SPG11: variants seen among roughly 807,000 people sequenced by gnomAD.
SPG11 encodes spatacsin.
A neutral mutation model predicts 274.0 loss-of-function variants in SPG11; 222 were observed. That is an observed-to-expected ratio of 0.81 (90% CI 0.73 to 0.91). The LOEUF is 0.91. Among genes scored for constraint, SPG11 ranks in the 40% least tolerant of loss-of-function variants. The pLI is 0.00. For synonymous variants in SPG11, 1,144 were observed against 1,039.7 expected, an observed-to-expected ratio of 1.10 and a Z score of -1.93; for missense variants, 3,114 against 2,872.7, an observed-to-expected ratio of 1.08 and a Z score of -1.92.
At chr15:44,570,701 C>T (rs747819733) in intron 33 of SPG11, 43 bp from the exon 34 acceptor site, 5 of 1,603,670 alleles carry the variant, frequency 3.1e-6, no homozygotes, top group Non-Finnish European at 4.3e-6. Context: ...TGAACCCTGG[C>T]TGCCCACTGT....
intron 7 of SPG11, among the ~76,000 whole-genome samples, chr15:44,641,232 T>C (rs1226548390): frequency 6.6e-6 from 1 of 152,018 alleles, no homozygotes; most frequent in Non-Finnish European, 1.5e-5. Context: ...GAGGCAGAGA[T>C]TGCTGTGAGC....
rs2141115991 is a variant in SPG11 at position 44,655,016 on chromosome 15, C to A, written c.869+2079G>T. Among the ~76,000 whole-genome samples the A allele has an allele frequency of 3.3e-5, 5 of 152,342 alleles. 1 individual carries two copies. The Middle Eastern group carries it at 0.01, about 311-fold the overall frequency. On this transcript the variant is annotated intron_variant, in intron 4 of 39. Transcript: ENST00000261866. ...TACTGCTGTAATAATATCATGGCCACTTCCTGTTGCCATTGCAGTGAGCCC... is the reference window on the plus strand; with the variant it reads ...TACTGCTGTAATAATATCATGGCCAATTCCTGTTGCCATTGCAGTGAGCCC...
In SPG11 at chr15:44,564,644, A is replaced by G. The variant is rs149711747; in HGVS notation, c.7054T>C (p.Tyr2352His). The part of the protein sequence containing the change: ...DFVPDWAEIL[Y>H]QQVILKGDFN... ...TCTCCTTTAAGAATCACTTGCTGGT[A>G]TAAAATTTCAGCCCAATCTGGAACA... Residue 2352 changes from tyrosine (Y) to histidine (H), a missense_variant, in exon 39 of 40, where the codon TAC (tyrosine) becomes CAC (histidine). Coordinates refer to ENST00000261866, the MANE Select transcript of SPG11 (RefSeq NM_025137.4). 19 of 1,614,084 alleles carry G rather than the reference A, an allele frequency of 1.2e-5. No homozygotes were observed. The highest frequency in any genetic ancestry group is 1.5e-5 in the Non-Finnish European group (18 of 1,180,016).
chr15:44,584,300 G>C lies in SPG11; in HGVS notation c.5380C>G (p.Leu1794Val), dbSNP rs1280213947. Residue 1794 changes from leucine (L) to valine (V), a missense_variant, in exon 30 of 40, where the codon CTG (leucine) becomes GTG (valine). Transcript: ENST00000261866. ...AQEDVVPLDK[L>V]EELEKQIWLC... ...CAGATCTGCTTCTCCAGCTCCTCCA[G>C]CTTATCCAAGGGCACCACGTCCTCC... 1.2e-6 allele frequency: 2 copies of C among 1,612,678 alleles called. No individual in the cohort carries two copies. The highest frequency in any genetic ancestry group is 1.7e-4 in the Middle Eastern group (1 of 6,052).
intron 30 of SPG11, among the ~76,000 whole-genome samples, chr15:44,576,746 A>C (rs1220751093): frequency 6.6e-6 from 1 of 152,132 alleles, no homozygotes; most frequent in East Asian, 1.9e-4. Context: ...AAAAATAAAT[A>C]TTGTGTTGCT....
chr15:44,663,195 C>A (rs2085169107), intron 1 of SPG11, among the ~76,000 whole-genome samples, 196 bp downstream of exon 1: 1 of 152,236 alleles, frequency 6.6e-6, no homozygotes, highest in Non-Finnish European at 1.5e-5. Context: ...CAGAATGCAA[C>A]GAGGCGAGCG....
In SPG11 at chr15:44,584,365, C is replaced by T. The variant is rs150823040; in HGVS notation, c.5315G>A (p.Arg1772His). ...HPTGWSSMEE[R>H]HLLLTLAGHW... Reference sequence around the variant, plus strand: ...CCCTGCCAAGGTGAGCAGCAGATGGCGCTCCTCCATGCTGCTCCATCCAGT... The same window carrying T: ...CCCTGCCAAGGTGAGCAGCAGATGGTGCTCCTCCATGCTGCTCCATCCAGT... Residue 1772 changes from arginine to histidine, a missense_variant, in exon 30 of 40, where the codon CGC becomes CAC. Physicochemically the swap from Arg to His is conservative, Grantham distance 29. Transcript: ENST00000261866. 446 of 1,611,320 alleles carry T rather than the reference C, an allele frequency of 2.8e-4. 1 individual carries two copies. The highest frequency in any genetic ancestry group is 7.1e-4 in the South Asian group (65 of 90,934).
At chr15:44,583,741 G>A (rs572715608) in intron 30 of SPG11, 73 bp downstream of exon 30, 2 of 1,601,058 alleles carry the variant, frequency 1.2e-6, no homozygotes, top group East Asian at 4.5e-5. Flanking sequence ...CTGCCACAAG[G>A]GTCCCTTCCT....
chr15:44,600,476 G>C lies in SPG11; in HGVS notation c.3677C>G (p.Pro1226Arg), dbSNP rs1478064859. ...LVQELIKSKT[P>R]KQLIQQVGNE... Reference sequence around the variant, plus strand: ...TATTTTAAATACTCACAGCTGCTTGGGAGTCTTGCTCTTGATTAATTCCTG... The same window carrying C: ...TATTTTAAATACTCACAGCTGCTTGCGAGTCTTGCTCTTGATTAATTCCTG... Residue 1226 changes from proline to arginine, a missense_variant, in exon 21 of 40, where the codon CCC becomes CGC. Coordinates refer to ENST00000261866, the MANE Select transcript of SPG11 (RefSeq NM_025137.4). The C allele has an allele frequency of 6.8e-6, 11 of 1,613,754 alleles. No individual in the cohort carries two copies. The highest frequency in any genetic ancestry group is 7.6e-6 in the Non-Finnish European group (9 of 1,179,946).
intron 7 of SPG11, among the ~76,000 whole-genome samples, chr15:44,635,518 G>T (rs977460089): frequency 3.4e-5 from 5 of 148,514 alleles, no homozygotes; most frequent in African/African-American, 1.2e-4. Flanking sequence ...AGGCAGGAGG[G>T]TGTCTTGAGC....
chr15:44,588,877 T>C (rs2082833715), intron 28 of SPG11, among the ~76,000 whole-genome samples: 1 of 152,202 alleles, frequency 6.6e-6, no homozygotes, highest in African/African-American at 2.4e-5. Context: ...TGCTCCAGAC[T>C]CAGAGCAGAG....
chr15:44,608,631 T>A, intron 18 of SPG11, 26 bp from the exon 19 acceptor site: 1 of 1,609,996 alleles, frequency 6.2e-7, no homozygotes, highest in Non-Finnish European at 8.5e-7. Flanking sequence ...GATAACAGGT[T>A]GGACAGTAGC....
At chr15:44,586,534 C>T (rs1170747829) in intron 28 of SPG11, among the ~76,000 whole-genome samples, 1 of 152,012 alleles carries the variant, frequency 6.6e-6, no homozygotes, top group Non-Finnish European at 1.5e-5. Flanking sequence ...ATCCCAGCTA[C>T]TCGAGAGGCT....
At chr15:44,570,759 C>T in intron 33 of SPG11, 101 bp from the exon 34 acceptor site, 1 of 1,499,176 alleles carries the variant, frequency 6.7e-7, no homozygotes, top group Non-Finnish European at 9.1e-7. Flanking sequence ...GAGAAGGGGC[C>T]TGTCTGGAGA....
At chr15:44,626,551 C>T (rs1480285534) in intron 10 of SPG11, 44 bp from the exon 11 acceptor site, 1 of 1,582,488 alleles carries the variant, frequency 6.3e-7, no homozygotes, top group East Asian at 2.2e-5. Context: ...TTTTTCATTT[C>T]CTTATTATGA....
At chr15:44,629,844 G>A (rs1163198313) in intron 8 of SPG11, among the ~76,000 whole-genome samples, 1 of 151,850 alleles carries the variant, frequency 6.6e-6, no homozygotes, top group African/African-American at 2.4e-5. Flanking sequence ...GCCAAGGCAA[G>A]CAGATCACTT....
At chr15:44,619,009 G>C (rs1431487703) in intron 15 of SPG11, among the ~76,000 whole-genome samples, 2 of 151,992 alleles carry the variant, frequency 1.3e-5, no homozygotes, top group East Asian at 1.9e-4. Context: ...ATATACATTA[G>C]TTTAAAAACC....
chr15:44,622,540 C>A, intron 12 of SPG11, 188 bp downstream of exon 12: 1 of 748,906 alleles, frequency 1.3e-6, no homozygotes, highest in East Asian at 2.7e-5. Context: ...TTTCTTTTGC[C>A]ACAAATGTAA....
At chr15:44,624,638 T>C (rs939878223) in intron 11 of SPG11, among the ~76,000 whole-genome samples, 1 of 152,202 alleles carries the variant, frequency 6.6e-6, no homozygotes, top group Non-Finnish European at 1.5e-5. Context: ...TAATACATTG[T>C]ATACTTGAAA....
Sources: allele counts gnomAD v4.1 joint callset (sites outside exome capture counted in the v4.1 genomes callset), GRCh38; gene constraint gnomAD v4.1.1; transcripts MANE v1.5; gene names NCBI Gene and HGNC (gene_info 2026-07-23, HGNC 2026-07-21).